Variants in FANCL observed in about 807,000 individuals in gnomAD.
FANCL encodes FA complementation group L, also known as E3 ubiquitin-protein ligase FANCL.
In FANCL, 69 loss-of-function variants were observed where a neutral mutation model predicts 59.4. The observed-to-expected ratio is 1.16, with a 90% CI of 0.96 to 1.42. The LOEUF is 1.42. Ranked by LOEUF, FANCL falls within the 40% of genes most tolerant of loss-of-function variation. The pLI is 0.00. For synonymous variants in FANCL, 180 were observed against 147.1 expected, an observed-to-expected ratio of 1.22 and a Z score of -1.62; for missense variants, 519 against 447.2, an observed-to-expected ratio of 1.16 and a Z score of -1.45.
chr2:58,161,333 C>G (rs1257586348), intron 12 of FANCL, among the ~76,000 whole-genome samples, 189 bp downstream of exon 12: 1 of 151,828 alleles, frequency 6.6e-6, no homozygotes, highest in Non-Finnish European at 1.5e-5. Context: ...GAACATTTCT[C>G]CACTCATTAG....
At chr2:58,180,031 C>A (rs114792936) in intron 7 of FANCL, among the ~76,000 whole-genome samples, 4 of 152,180 alleles carry the variant, frequency 2.6e-5, no homozygotes, top group Non-Finnish European at 5.9e-5. Flanking sequence ...GATACTACCA[C>A]ATGCCAGTTA....
chr2:58,234,416 A>C (rs561597573), intron 1 of FANCL, among the ~76,000 whole-genome samples: 1 of 152,140 alleles, frequency 6.6e-6, no homozygotes, highest in East Asian at 1.9e-4. Flanking sequence ...AACAAAATGA[A>C]ATACAAATGT....
chr2:58,181,476 G>A (rs1244588923), intron 7 of FANCL, among the ~76,000 whole-genome samples: 2 of 151,914 alleles, frequency 1.3e-5, no homozygotes, highest in African/African-American at 4.8e-5. Flanking sequence ...TGGAACTTAT[G>A]GAACACTTAA....
At chr2:58,169,518 G>T (rs964650891) in intron 7 of FANCL, among the ~76,000 whole-genome samples, 2 of 151,912 alleles carry the variant, frequency 1.3e-5, no homozygotes, top group African/African-American at 4.8e-5. Context: ...ACAACTCCTC[G>T]CCAGCAAGGG....
intron 6 of FANCL, among the ~76,000 whole-genome samples, chr2:58,201,270 ATAT>A: frequency 6.6e-6 from 1 of 151,730 alleles, no homozygotes; most frequent in Non-Finnish European, 1.5e-5. Context: ...CAAAAGCTCC[ATAT>A]CATATAGGAA....
chr2:58,231,837 T>A (rs1443856219), intron 2 of FANCL, among the ~76,000 whole-genome samples: 1 of 152,210 alleles, frequency 6.6e-6, no homozygotes, highest in Non-Finnish European at 1.5e-5. Flanking sequence ...AATATTTTTT[T>A]AAAAATGAGA....
intron 4 of FANCL, among the ~76,000 whole-genome samples, chr2:58,226,264 G>C (rs1018983021): frequency 6.6e-6 from 1 of 152,024 alleles, no homozygotes; most frequent in Non-Finnish European, 1.5e-5. Context: ...ATGTCTACAG[G>C]ATAAACTGAA....
intron 1 of FANCL, among the ~76,000 whole-genome samples, chr2:58,233,981 C>T (rs895155502): frequency 3.3e-5 from 5 of 151,962 alleles, no homozygotes; most frequent in South Asian, 2.1e-4. Context: ...ACCCAGCACT[C>T]GCCAACATTT....
At chr2:58,191,119 C>A (rs1212714852) in intron 7 of FANCL, among the ~76,000 whole-genome samples, 1 of 151,244 alleles carries the variant, frequency 6.6e-6, no homozygotes, top group Non-Finnish European at 1.5e-5. Context: ...AAATTAGCCC[C>A]TGGATTATAA....
chr2:58,163,541 T>A (rs1316146843), intron 8 of FANCL, 24 bp from the exon 9 acceptor site: 1 of 1,445,302 alleles, frequency 6.9e-7, no homozygotes. Context: ...AGATTAAATC[T>A]TTTAGAAGTA....
At chr2:58,216,470 C>T (rs936754486) in intron 5 of FANCL, among the ~76,000 whole-genome samples, 10 of 152,008 alleles carry the variant, frequency 6.6e-5, no homozygotes, top group African/African-American at 2.4e-4. Context: ...TAGTATGCCT[C>T]CAAATTAAGC....
chr2:58,200,702 A>G (rs1276841266), intron 6 of FANCL, among the ~76,000 whole-genome samples: 1 of 151,978 alleles, frequency 6.6e-6, no homozygotes, highest in Non-Finnish European at 1.5e-5. Flanking sequence ...TCAGTATAGT[A>G]AATGGTATCA....
intron 4 of FANCL, among the ~76,000 whole-genome samples, chr2:58,222,810 A>C (rs939012637): frequency 6.6e-6 from 1 of 152,078 alleles, no homozygotes; most frequent in African/African-American, 2.4e-5. Context: ...TTAGATGTTC[A>C]TATGGTCTGA....
intron 7 of FANCL, among the ~76,000 whole-genome samples, chr2:58,173,109 C>T (rs901453537): frequency 2.6e-5 from 4 of 152,170 alleles, no homozygotes; most frequent in Admixed American, 1.3e-4. Flanking sequence ...AAGAAACGAA[C>T]AAAGCCTCCA....
chr2:58,241,331 AAC>A (rs776928216), upstream of FANCL: 24 of 1,613,166 alleles, frequency 1.5e-5, no homozygotes, highest in Non-Finnish European at 2.0e-5. Context: ...AGTCCGGAGA[AAC>A]ACAGAAAAGC....
intron 7 of FANCL, among the ~76,000 whole-genome samples, chr2:58,173,518 T>G (rs1188519782): frequency 6.6e-6 from 1 of 152,134 alleles, no homozygotes; most frequent in Non-Finnish European, 1.5e-5. Context: ...AACCCAGAAT[T>G]TCATATCCAG....
chr2:58,197,521 C>CCA (rs1030696890), intron 7 of FANCL, among the ~76,000 whole-genome samples: 5 of 152,118 alleles, frequency 3.3e-5, no homozygotes, highest in Admixed American at 3.3e-4. Flanking sequence ...TCACATTGTG[C>CCA]CACATCCTTA....
At chr2:58,197,803 G>A (rs1307983989) in intron 7 of FANCL, among the ~76,000 whole-genome samples, 1 of 152,026 alleles carries the variant, frequency 6.6e-6, no homozygotes, top group Non-Finnish European at 1.5e-5. Flanking sequence ...GAAATGCCAA[G>A]GTTTATGTTT....
chr2:58,180,491 A>C (rs915731647), intron 7 of FANCL, among the ~76,000 whole-genome samples: 3 of 152,046 alleles, frequency 2.0e-5, no homozygotes, highest in African/African-American at 7.2e-5. Context: ...CTCACTCATA[A>C]GCTGGAGTTG....
Sources: allele counts gnomAD v4.1 joint callset (sites outside exome capture counted in the v4.1 genomes callset), GRCh38; gene constraint gnomAD v4.1.1; transcripts MANE v1.5; gene names NCBI Gene and HGNC (gene_info 2026-07-23, HGNC 2026-07-21).